The following AOPEP variants were observed in gnomAD, a reference collection of about 807,000 sequenced individuals.
The protein encoded by AOPEP is aminopeptidase O (putative).
Under a neutral mutation model 98.1 loss-of-function variants are expected in AOPEP, and 77 were observed. The ratio of observed to expected loss-of-function variants is 0.78; its 90% confidence interval spans 0.65 to 0.95. The LOEUF (loss-of-function observed/expected upper bound fraction) is 0.95, where lower values mean the gene tolerates loss of function less well. Ranked by LOEUF, AOPEP falls within the 40% of genes least tolerant of loss-of-function variation. AOPEP has a pLI of 0.00. For synonymous variants in AOPEP, 346 were observed against 365.3 expected, an observed-to-expected ratio of 0.95 and a Z score of 0.60; for missense variants, 1,024 against 1,024.7, an observed-to-expected ratio of 1.00 and a Z score of 0.01.
intron 5 of AOPEP, among the ~76,000 whole-genome samples, chr9:94,907,656 C>T (rs544523258): frequency 5.3e-5 from 8 of 152,172 alleles, no homozygotes; most frequent in East Asian, 3.8e-4. Context: ...TCTCCAGCCT[C>T]GGGGTATCAA....
intron 5 of AOPEP, among the ~76,000 whole-genome samples, chr9:94,826,138 G>A (rs1020198952): frequency 2.0e-5 from 3 of 152,006 alleles, no homozygotes; most frequent in Admixed American, 6.6e-5. Context: ...TTGTGGCAGC[G>A]GGCAGGGCAC....
At chr9:95,121,225 A>C in the AOPEP span, among the ~76,000 whole-genome samples, 1 of 152,222 alleles carries the variant, frequency 6.6e-6, no homozygotes, top group East Asian at 1.9e-4. Flanking sequence ...ACTGAGCCAC[A>C]GTGCAGGCTT....
chr9:95,105,989 G>C, the AOPEP span, among the ~76,000 whole-genome samples: 1 of 152,240 alleles, frequency 6.6e-6, no homozygotes, highest in South Asian at 2.1e-4. Context: ...ATAGACCTAG[G>C]AGAACTGCCT....
At chr9:94,832,933 A>ATT (rs564875203) in intron 5 of AOPEP, among the ~76,000 whole-genome samples, 1,916 of 136,500 alleles carry the variant, frequency 0.014, 69 homozygotes, top group East Asian at 0.072. Context: ...TGTAAATTTG[A>ATT]TTTTTTTTTT....
At chr9:95,096,734 C>T in the AOPEP span, among the ~76,000 whole-genome samples, 1 of 152,198 alleles carries the variant, frequency 6.6e-6, no homozygotes, top group Non-Finnish European at 1.5e-5. Context: ...GCCACGGGGG[C>T]CCTTTCAGCC....
chr9:94,842,223 A>G (rs1380181024), intron 5 of AOPEP, among the ~76,000 whole-genome samples: 1 of 151,798 alleles, frequency 6.6e-6, no homozygotes, highest in Non-Finnish European at 1.5e-5. Context: ...TTAGCTGGGC[A>G]TGATGGCGTG....
chr9:94,917,912 C>G (rs966273898), intron 5 of AOPEP, among the ~76,000 whole-genome samples: 4 of 152,156 alleles, frequency 2.6e-5, no homozygotes, highest in Non-Finnish European at 4.4e-5. Flanking sequence ...TTTCCCTCAT[C>G]TGCTCCCCCA....
chr9:95,142,244 C>G, the AOPEP span, among the ~76,000 whole-genome samples: 4 of 151,996 alleles, frequency 2.6e-5, no homozygotes, highest in Non-Finnish European at 2.9e-5. Context: ...CCACCTGCCT[C>G]AGCCTTCCAA....
At chr9:94,872,192 C>T (rs1443090164) in intron 5 of AOPEP, among the ~76,000 whole-genome samples, 2 of 152,034 alleles carry the variant, frequency 1.3e-5, no homozygotes, top group Admixed American at 6.6e-5. Context: ...ACAAGTGAGG[C>T]GTGTGTTTAA....
intron 10 of AOPEP, 24 bp downstream of exon 10, chr9:94,967,825 G>A: frequency 6.3e-7 from 1 of 1,587,014 alleles, no homozygotes; most frequent in Non-Finnish European, 8.7e-7. Flanking sequence ...TAGGAATTTT[G>A]GAATTAAGAG....
chr9:94,878,033 G>A (rs2047162153), intron 5 of AOPEP, among the ~76,000 whole-genome samples: 1 of 151,926 alleles, frequency 6.6e-6, no homozygotes, highest in Admixed American at 6.6e-5. Flanking sequence ...ATTGTTTTCT[G>A]ATTTTTTGGC....
At chr9:94,897,987 G>T (rs754219557) in intron 5 of AOPEP, among the ~76,000 whole-genome samples, 4 of 151,874 alleles carry the variant, frequency 2.6e-5, no homozygotes, top group Non-Finnish European at 4.4e-5. Flanking sequence ...TTACAAGCGC[G>T]CACCACCATG....
chr9:95,135,249 T>C, the AOPEP span: 1 of 1,245,008 alleles, frequency 8.0e-7, no homozygotes. Context: ...CCAATTGCTC[T>C]TTTGTTTACA....
chr9:95,107,367 G>T, the AOPEP span: 1 of 1,296,444 alleles, frequency 7.7e-7, no homozygotes, highest in Non-Finnish European at 1.1e-6. Context: ...CCCAGAAACG[G>T]GTAAGCACTG....
chr9:95,023,589 A>G (rs1019759644), intron 13 of AOPEP, among the ~76,000 whole-genome samples: 4 of 152,238 alleles, frequency 2.6e-5, no homozygotes, highest in Admixed American at 6.5e-5. Context: ...TGTGAGCTCA[A>G]TTTACAAAAA....
intron 13 of AOPEP, among the ~76,000 whole-genome samples, chr9:95,051,580 C>G (rs1311338824): frequency 6.6e-6 from 1 of 152,002 alleles, no homozygotes; most frequent in Non-Finnish European, 1.5e-5. Context: ...TAAAAAATTG[C>G]AGAGCTATCA....
At chr9:94,837,915 A>G (rs370482648) in intron 5 of AOPEP, among the ~76,000 whole-genome samples, 70 of 152,370 alleles carry the variant, frequency 4.6e-4, no homozygotes, top group African/African-American at 1.7e-3. Flanking sequence ...GGTCATAGCA[A>G]TCAGACAAGG....
At chr9:95,145,722 A>G in the AOPEP span, among the ~76,000 whole-genome samples, 3 of 152,138 alleles carry the variant, frequency 2.0e-5, no homozygotes, top group African/African-American at 7.2e-5. Context: ...AGGTAACAAA[A>G]CAGGCCTGAC....
chr9:94,796,673 G>A (rs1847006209), intron 4 of AOPEP, among the ~76,000 whole-genome samples: 1 of 152,206 alleles, frequency 6.6e-6, no homozygotes, highest in South Asian at 2.1e-4. Context: ...TTTATGATCA[G>A]TGTTCATGTG....
Sources: gnomAD v4.1 joint callset for allele counts (sites outside exome capture counted in the v4.1 genomes callset) on GRCh38, gnomAD v4.1.1 for gene constraint, MANE v1.5 for transcripts, NCBI Gene and HGNC (gene_info 2026-07-23, HGNC 2026-07-21) for gene names.